Variants in RYR2 observed in about 807,000 individuals in gnomAD.
RYR2 encodes the protein cardiac muscle ryanodine receptor-calcium release channel.
A neutral mutation model predicts 601.1 loss-of-function variants in RYR2; 227 were observed. That is an observed-to-expected ratio of 0.38 (90% confidence interval 0.34 to 0.42). The LOEUF is 0.42. Ranked by LOEUF, RYR2 falls within the 10% of genes least tolerant of loss-of-function variation. The pLI, the probability that RYR2 is intolerant of heterozygous loss-of-function variation, is 1.00. For synonymous variants in RYR2, 2,223 were observed against 2,175.1 expected (o/e 1.02, Z -0.61); for missense variants, 4,646 against 6,156.5 (o/e 0.75, Z 8.21).
Position 237,832,680 on chromosome 1 carries a change from C to T in RYR2, c.*33C>T. 5.5e-6 allele frequency: 7 copies of T among 1,279,428 alleles called. No individual in the cohort carries two copies. The highest frequency in any genetic ancestry group is 7.9e-6 in the Non-Finnish European group (7 of 883,700). The allele number at this position is 1,279,428 out of a possible 1,614,324, so 79.3% of individuals were successfully genotyped here. ...CCCAATCACCTCTAAAAACCAAAAC[C>T]CTACCCCTCTCTCTCCCTCTCTCAA... On this transcript the variant is annotated 3_prime_UTR_variant, in exon 105 of 105. Coordinates refer to ENST00000366574, the MANE Select transcript of RYR2 (RefSeq NM_001035.3).
chr1:237,506,581 T>C (rs1665286574), intron 22 of RYR2, 129 bp from the exon 23 acceptor site: 1 of 609,180 alleles, frequency 1.6e-6, no homozygotes, highest in Admixed American at 3.1e-5. Flanking sequence ...ATAGATGGCT[T>C]AGAACTTTGT....
chr1:237,184,038 C>T (rs1036971190), intron 1 of RYR2, among the ~76,000 whole-genome samples: 15 of 152,224 alleles, frequency 9.9e-5, no homozygotes, highest in African/African-American at 2.9e-4. Context: ...GAATTAATGA[C>T]ATAATCCTTT....
At chr1:237,339,433 T>G (rs747298004) in intron 3 of RYR2, among the ~76,000 whole-genome samples, 4 of 152,172 alleles carry the variant, frequency 2.6e-5, no homozygotes, top group African/African-American at 9.7e-5. Flanking sequence ...AAATGTTTTA[T>G]TTTTATAACA....
intron 34 of RYR2, among the ~76,000 whole-genome samples, chr1:237,601,362 T>C (rs540101313): frequency 6.6e-6 from 1 of 152,218 alleles, no homozygotes; most frequent in South Asian, 2.1e-4. Context: ...TGCCCACTCA[T>C]ATGTAGAATC....
intron 79 of RYR2, among the ~76,000 whole-genome samples, chr1:237,736,358 G>A (rs1486610900): frequency 6.6e-6 from 1 of 151,864 alleles, no homozygotes; most frequent in African/African-American, 2.4e-5. Context: ...CTCCTCAGGA[G>A]GCTGAGGCAG....
intron 80 of RYR2, among the ~76,000 whole-genome samples, chr1:237,745,303 A>T (rs1691979154): frequency 6.6e-6 from 1 of 152,214 alleles, no homozygotes; most frequent in South Asian, 2.1e-4. Flanking sequence ...TAATGGGTAT[A>T]ATAAGAATTT....
chr1:237,395,119 G>T (rs140263733), intron 10 of RYR2, among the ~76,000 whole-genome samples: 1,546 of 152,232 alleles, frequency 0.01, 12 homozygotes, highest in Middle Eastern at 0.037. Flanking sequence ...AGGTTTGGGC[G>T]GGGACACAAA....
In RYR2 at chr1:237,135,713, G is replaced by C. The variant is rs189009325; in HGVS notation, c.48+93144G>C. On this transcript the variant is annotated intron_variant, in intron 1 of 104. Coordinates refer to ENST00000366574, the MANE Select transcript of RYR2 (RefSeq NM_001035.3). ...TTTAACTGTGTGTATTTTACAATGA[G>C]TTTTCACTTGTAGCTTATTGAAGGT... 2.3e-3 allele frequency among the ~76,000 whole-genome samples: 355 copies of C among 152,256 alleles called. 3 individuals are homozygous for C. Among genetic ancestry groups the C allele is most frequent in the African/African-American group, 8.3e-3 (343 of 41,550 alleles).
At chr1:237,544,910 T>C (rs187833104) in intron 25 of RYR2, among the ~76,000 whole-genome samples, 76 of 152,338 alleles carry the variant, frequency 5.0e-4, no homozygotes, top group African/African-American at 1.5e-3. Flanking sequence ...GATGTTCATG[T>C]TTATTTTTAC....
chr1:237,711,640 C>A, intron 70 of RYR2, 105 bp from the exon 71 acceptor site: 1 of 654,318 alleles, frequency 1.5e-6, no homozygotes, highest in Non-Finnish European at 2.7e-6. Context: ...TCTTATATAT[C>A]AAATTAATAC....
At chr1:237,823,769 TAGAC>T (rs1449710470) in intron 101 of RYR2, among the ~76,000 whole-genome samples, 1 of 151,830 alleles carries the variant, frequency 6.6e-6, no homozygotes, top group African/African-American at 2.4e-5. Context: ...ATCAACAAAA[TAGAC>T]AGACTGCTAG....
chr1:237,474,296 T>TAC (rs753428719), intron 17 of RYR2, among the ~76,000 whole-genome samples: 924 of 49,706 alleles, frequency 0.019, 10 homozygotes, highest in South Asian at 0.097. Context: ...TATATATATA[T>TAC]ACACACACAC....
At position 237,643,409 on chromosome 1, in the gene RYR2, T is replaced by C. The variant is rs1479926336; in HGVS notation, c.7304T>C (p.Val2435Ala). Reference sequence around the variant, plus strand: ...ATTCCCCTGGGAGATTTGGTGGGCGTTATCAGCATCGCTTTTCAGATGCCA... The same window carrying C: ...ATTCCCCTGGGAGATTTGGTGGGCGCTATCAGCATCGCTTTTCAGATGCCA... Reference protein sequence around the residue: ...SLIPLGDLVGVISIAFQMPTI... With the variant: ...SLIPLGDLVGAISIAFQMPTI... The change falls in exon 48 of 105, where the codon GTT (valine) becomes GCT (alanine). Residue 2435 changes from valine (V) to alanine (A), a missense_variant. Transcript: ENST00000366574. 1 of 1,613,862 alleles carries C rather than the reference T, an allele frequency of 6.2e-7. No homozygotes were observed. Among genetic ancestry groups the C allele is most frequent in the Admixed American group, 1.7e-5 (1 of 60,012 alleles).
rs1215061392 is a variant in RYR2, at chr1:237,617,346, G to A, written c.5776G>A (p.Val1926Ile). The change falls in exon 38 of 105, where the codon GTA becomes ATA. Residue 1926 changes from valine (V) to isoleucine (I), a missense_variant. Coordinates refer to ENST00000366574, the MANE Select transcript of RYR2 (RefSeq NM_001035.3). ...GGTCCGGCACCGGATAGAAGCCATT[G>A]TAGCCTTTTCAGATGATTTTGTGGC... ...CQVRHRIEAI[V>I]AFSDDFVAKL... 5 of 1,613,924 alleles carry A rather than the reference G, an allele frequency of 3.1e-6. No homozygotes were observed. Among genetic ancestry groups the A allele is most frequent in the Non-Finnish European group, 4.2e-6 (5 of 1,179,846 alleles).
Position 237,717,243 on chromosome 1 carries a change from G to A in RYR2, c.10369G>A (p.Asp3457Asn). The A allele has an allele frequency of 1.9e-6, 3 of 1,613,754 alleles. No homozygotes were observed. Among genetic ancestry groups the A allele is most frequent in the Non-Finnish European group, 2.5e-6 (3 of 1,179,738 alleles). The change falls in exon 72 of 105, where the codon GAT becomes AAT. Residue 3457 changes from aspartate to asparagine, a missense_variant. Physicochemically the swap from Asp to Asn is conservative, Grantham distance 23. This residue lies in a region of RYR2 where 1,497 missense variants were observed against 1,842.6 expected (regional missense o/e 0.81). Transcript: ENST00000366574. ...QERKKMKRKG[D>N]RYSMQTSLIV... The stretch of plus-strand genomic sequence containing the variant: ...AAGGAAGAAAATGAAGCGCAAAGGA[G>A]ATCGGTATTCCATGCAGACCTCTCT...
chr1:237,509,453 A>C (rs746240806), intron 23 of RYR2, among the ~76,000 whole-genome samples: 3 of 152,188 alleles, frequency 2.0e-5, no homozygotes, highest in Non-Finnish European at 4.4e-5. Flanking sequence ...ATACTTAGCT[A>C]CCCAGCATGC....
intron 60 of RYR2, among the ~76,000 whole-genome samples, 199 bp from the exon 61 acceptor site, chr1:237,677,849 T>C (rs1685536501): frequency 6.6e-6 from 1 of 152,218 alleles, no homozygotes; most frequent in Non-Finnish European, 1.5e-5. Flanking sequence ...AATAGCTTTT[T>C]AAATTTAGAT....
chr1:237,288,134 G>A (rs2149407113), intron 2 of RYR2, among the ~76,000 whole-genome samples: 1 of 152,322 alleles, frequency 6.6e-6, no homozygotes, highest in South Asian at 2.1e-4. Flanking sequence ...GGTACTGGGG[G>A]TTGTCTGCAC....
At chr1:237,561,955 A>G (rs1379270597) in intron 27 of RYR2, among the ~76,000 whole-genome samples, 2 of 152,222 alleles carry the variant, frequency 1.3e-5, no homozygotes, top group Admixed American at 1.3e-4. Flanking sequence ...TCTGATTATC[A>G]CTAAGAGGAG....
Sources: gnomAD v4.1 joint callset for allele counts (sites outside exome capture counted in the v4.1 genomes callset) on GRCh38, gnomAD v4.1.1 for gene constraint, gnomAD v4.1.1 regional missense constraint, MANE v1.5 for transcripts, NCBI Gene and HGNC (gene_info 2026-07-23, HGNC 2026-07-21) for gene names.